Variants in PSG6 observed in about 807,000 individuals in gnomAD.
PSG6 encodes the protein pregnancy specific beta-1-glycoprotein 6, also known as pregnancy-specific beta-1-glycoprotein 6.
Under a neutral mutation model 43.3 loss-of-function variants are expected in PSG6, and 51 were observed. That is an observed-to-expected ratio of 1.18 (90% CI 0.94 to 1.49). The LOEUF is 1.49. PSG6 is among the 40% of genes most tolerant of loss of function. PSG6 has a pLI of 0.00. For synonymous variants in PSG6, 292 were observed against 197.6 expected, an observed-to-expected ratio of 1.48 and a Z score of -4.01; for missense variants, 770 against 522.2, an observed-to-expected ratio of 1.47 and a Z score of -4.62.
In PSG6 at chr19:42,907,662, G is replaced by T. The variant is rs750179815; in HGVS notation, c.899C>A (p.Thr300Lys). 39 of 1,611,204 alleles carry T rather than the reference G, an allele frequency of 2.4e-5. No homozygotes were observed. Among genetic ancestry groups the T allele is most frequent in the Non-Finnish European group, 3.2e-5 (38 of 1,179,124 alleles). ...TTGATAGGGTCCTGTTTCATTTCTC[G>T]TGACACTGGGTAGAATGAGTATCCT... ...ENRILILPSV[T>K]RNETGPYQCE... The change falls in exon 4 of 6, where the codon ACG (threonine) becomes AAG (lysine). Residue 300 changes from threonine to lysine, a missense_variant. Coordinates refer to ENST00000187910, the MANE Select transcript of PSG6 (RefSeq NM_001031850.4).
At position 42,912,059 on chromosome 19, in the gene PSG6, T is replaced by G. The variant is rs7256411; in HGVS notation, c.428-1201A>C. On this transcript the variant is annotated intron_variant, in intron 2 of 5. Transcript: ENST00000187910. Reference sequence around the variant, plus strand: ...AACAAAGTGTTTTGGATTTCTAATTTTTTTTATTTTGGAATATTTGCAGTA... The same window carrying G: ...AACAAAGTGTTTTGGATTTCTAATTGTTTTTATTTTGGAATATTTGCAGTA... Among the ~76,000 whole-genome samples, 1,192 of 151,796 alleles carry G rather than the reference T, an allele frequency of 7.9e-3. 31 individuals carry two copies. The highest frequency in any genetic ancestry group is 0.026 in the African/African-American group (1,087 of 41,394).
intron 5 of PSG6, among the ~76,000 whole-genome samples, chr19:42,904,781 A>C (rs958052906): frequency 1.3e-5 from 2 of 151,652 alleles, no homozygotes; most frequent in Non-Finnish European, 2.9e-5. Context: ...CAGAAAAAGA[A>C]AAATCTGTCC....
At chr19:42,917,432 C>T (rs567710175) in intron 1 of PSG6, among the ~76,000 whole-genome samples, 38 of 145,384 alleles carry the variant, frequency 2.6e-4, no homozygotes, top group Admixed American at 2.1e-3. Context: ...GGTGCTGTCT[C>T]GGCTAGCTGC....
At chr19:42,905,554 C>G (rs1600538983) in intron 5 of PSG6, among the ~76,000 whole-genome samples, 1 of 151,650 alleles carries the variant, frequency 6.6e-6, no homozygotes, top group Admixed American at 6.6e-5. Context: ...CCATTTGATC[C>G]AGCAATTCCC....
In PSG6 at chr19:42,917,890, G is replaced by T. The variant is rs190016571; in HGVS notation, c.-98C>A. 6 of 1,474,104 alleles carry T rather than the reference G, an allele frequency of 4.1e-6. 1 individual carries two copies. In the Admixed American group the frequency reaches 5.8e-5, roughly 14 times the overall value. 91.3% of individuals were successfully genotyped at this position (1,474,104 alleles called of 1,614,324 possible). ...CAGGTGTGCTGTCCTTCCTCCTTCT[G>T]TGCTGAGCCTCTTCCCAGGGCAGAA... On this transcript the variant is annotated 5_prime_UTR_variant, in exon 1 of 6. Transcript: ENST00000187910.
chr19:42,909,523 T>TA lies in PSG6; in HGVS notation c.706+1056dup, dbSNP rs750607149. ...TTGGGTAGTATTGCCTTTCTAACAA[T>TA]ATTGCTTCTTCCAATCCATGAAAAT... On this transcript the variant is annotated intron_variant, in intron 3 of 5. Transcript: ENST00000187910. 1.1e-4 allele frequency among the ~76,000 whole-genome samples: 17 copies of TA among 151,682 alleles called. 1 individual carries two copies. The highest frequency in any genetic ancestry group is 3.3e-4 in the Admixed American group (5 of 15,184).
chr19:42,908,432 A>T (rs997781045), intron 3 of PSG6, among the ~76,000 whole-genome samples: 4 of 151,268 alleles, frequency 2.6e-5, no homozygotes, highest in African/African-American at 9.8e-5. Flanking sequence ...CACTAGAGGC[A>T]CCAGGTGGGG....
chr19:42,902,997 T>G (rs777460106), intron 5 of PSG6, among the ~76,000 whole-genome samples: 7 of 151,788 alleles, frequency 4.6e-5, no homozygotes, highest in East Asian at 1.9e-4. Context: ...TCTCATTTAA[T>G]CCACACAATA....
At chr19:42,903,600 G>T in intron 5 of PSG6, 2 of 1,398,028 alleles carry the variant, frequency 1.4e-6, no homozygotes, top group South Asian at 1.7e-5. Flanking sequence ...AATCATAAAT[G>T]AAAATGGACT....
intron 5 of PSG6, chr19:42,906,591 G>T: frequency 7.5e-7 from 1 of 1,336,374 alleles, no homozygotes; most frequent in Non-Finnish European, 9.9e-7. Flanking sequence ...TGGCAGAAGG[G>T]GATGTGTTCG....
intron 3 of PSG6, among the ~76,000 whole-genome samples, chr19:42,908,134 C>G (rs537370693): frequency 6.6e-6 from 1 of 151,716 alleles, no homozygotes; most frequent in South Asian, 2.1e-4. Flanking sequence ...CCCCTGGTAC[C>G]CCTCCCAGTC....
chr19:42,912,703 A>T lies in PSG6; in HGVS notation c.428-1845T>A, dbSNP rs1972250155. Among the ~76,000 whole-genome samples the T allele has an allele frequency of 2.0e-5, 3 of 151,796 alleles. 1 individual carries two copies. The highest frequency in any genetic ancestry group is 4.4e-5 in the Non-Finnish European group (3 of 67,952). On this transcript the variant is annotated intron_variant, in intron 2 of 5. Coordinates refer to ENST00000187910, the MANE Select transcript of PSG6 (RefSeq NM_001031850.4). Reference sequence around the variant, plus strand: ...GAAATGTCTTCTTCATTTTCTCTTAAGGTCAGGAAACACCACTAAAATTTA... The same window carrying T: ...GAAATGTCTTCTTCATTTTCTCTTATGGTCAGGAAACACCACTAAAATTTA...
chr19:42,910,015 G>A (rs1046255676), intron 3 of PSG6: 2 of 172,008 alleles, frequency 1.2e-5, no homozygotes, highest in African/African-American at 2.4e-5. Context: ...TTAGTGATTT[G>A]GGGTATAAAG....
At chr19:42,910,416 C>T (rs752636079) in intron 3 of PSG6, 164 bp downstream of exon 3, 1 of 1,556,982 alleles carries the variant, frequency 6.4e-7, no homozygotes, top group South Asian at 1.1e-5. Context: ...GTTGATCAAG[C>T]CTAGGCCTAC....
rs757729678 is a variant in PSG6, at chr19:42,910,648, G to T, written c.638C>A (p.Pro213His). The change falls in exon 3 of 6, where the codon CCC becomes CAC. Residue 213 changes from proline to histidine, a missense_variant. Coordinates refer to ENST00000187910, the MANE Select transcript of PSG6 (RefSeq NM_001031850.4). ...LFGVTKYIAG[P>H]YECEIRNPVS... The stretch of plus-strand genomic sequence containing the variant: ...TGGGTTCCGTATTTCACATTCATAG[G>T]GTCCTGCAATATACTTTGTGACACC... 2.5e-6 allele frequency: 4 copies of T among 1,612,204 alleles called. 1 individual carries two copies. The South Asian group carries it at 3.3e-5, about 13-fold the overall frequency.
At chr19:42,910,219 G>A (rs780058643) in intron 3 of PSG6, 1 of 432,852 alleles carries the variant, frequency 2.3e-6, no homozygotes, top group Non-Finnish European at 4.2e-6. Context: ...TCAGAGGGAA[G>A]GGAAAATCCT....
chr19:42,908,404 G>T (rs901108690), intron 3 of PSG6, among the ~76,000 whole-genome samples: 1 of 151,554 alleles, frequency 6.6e-6, no homozygotes, highest in Non-Finnish European at 1.5e-5. Flanking sequence ...AAGCCTGTAG[G>T]TCAGTTCAGT....
chr19:42,912,310 A>G (rs956482103), intron 2 of PSG6, among the ~76,000 whole-genome samples: 3 of 151,628 alleles, frequency 2.0e-5, no homozygotes, highest in African/African-American at 7.3e-5. Context: ...TAACAAAAAA[A>G]ATTTGGAGGA....
intron 3 of PSG6, 69 bp from the exon 4 acceptor site, chr19:42,907,923 G>T: frequency 1.3e-6 from 2 of 1,579,132 alleles, no homozygotes; most frequent in South Asian, 1.2e-5. Context: ...TTCATTCAGA[G>T]TTGGCATCTC....
Sources: allele counts gnomAD v4.1 joint callset (sites outside exome capture counted in the v4.1 genomes callset), GRCh38; gene constraint gnomAD v4.1.1; transcripts MANE v1.5; gene names NCBI Gene and HGNC (gene_info 2026-07-23, HGNC 2026-07-21).